DEPTOR: variants seen among roughly 807,000 people sequenced by gnomAD.
DEPTOR encodes the protein DEP domain containing MTOR interacting protein.
Under a neutral mutation model 41.6 loss-of-function variants are expected in DEPTOR, and 41 were observed. The observed-to-expected ratio is 0.98, with a 90% CI of 0.77 to 1.28. The LOEUF is 1.28. Among genes scored for constraint, DEPTOR ranks in the 50% most tolerant of loss-of-function variants. DEPTOR has a pLI of 0.00. For missense variants in DEPTOR, 514 were observed against 527.9 expected (o/e 0.97, Z 0.26); for synonymous variants, 195 against 192.3 (o/e 1.01, Z -0.12).
intron 1 of DEPTOR, among the ~76,000 whole-genome samples, chr8:119,894,172 G>A (rs1478971350): frequency 6.6e-6 from 1 of 151,992 alleles, no homozygotes; most frequent in South Asian, 2.1e-4. Flanking sequence ...GGGCTCAAGC[G>A]ATCCTTCCAC....
At chr8:119,981,916 G>A (rs1431839779) in intron 4 of DEPTOR, among the ~76,000 whole-genome samples, 1 of 149,858 alleles carries the variant, frequency 6.7e-6, no homozygotes, top group East Asian at 2.0e-4. Context: ...TCAGGAGGCT[G>A]AGGCAGGAGA....
At chr8:120,021,356 T>C (rs1000995516) in intron 8 of DEPTOR, among the ~76,000 whole-genome samples, 1 of 152,152 alleles carries the variant, frequency 6.6e-6, no homozygotes, top group African/African-American at 2.4e-5. Flanking sequence ...TGAGCTGAGA[T>C]TGCGCCACTG....
chr8:119,964,905 C>T (rs544045637), intron 3 of DEPTOR, among the ~76,000 whole-genome samples: 30 of 152,110 alleles, frequency 2.0e-4, no homozygotes, highest in East Asian at 1.4e-3. Flanking sequence ...GAAAACCTGT[C>T]GCTACTAAAA....
rs927176225 is a variant in DEPTOR, at chr8:119,902,254, C to A, written c.123-26146C>A. 8.5e-5 allele frequency among the ~76,000 whole-genome samples: 13 copies of A among 152,134 alleles called. No homozygotes were observed. The South Asian group carries it at 1.4e-3, about 17-fold the overall frequency. On this transcript the variant is annotated intron_variant, in intron 1 of 8. Transcript: ENST00000286234. Reference sequence around the variant, plus strand: ...AAGGAATAAAAAATATGCTAAGTGGCAAAATAAATGGAGCTCAGAGAGAAA... The same window carrying A: ...AAGGAATAAAAAATATGCTAAGTGGAAAAATAAATGGAGCTCAGAGAGAAA...
chr8:120,034,801 C>T (rs146877013), intron 8 of DEPTOR, among the ~76,000 whole-genome samples: 4 of 152,042 alleles, frequency 2.6e-5, no homozygotes, highest in African/African-American at 9.6e-5. Flanking sequence ...TCTTTTAAAA[C>T]CTTTGTTATG....
At chr8:119,993,525 A>C (rs1332666239) in intron 4 of DEPTOR, among the ~76,000 whole-genome samples, 2 of 152,224 alleles carry the variant, frequency 1.3e-5, no homozygotes, top group Non-Finnish European at 2.9e-5. Flanking sequence ...GGAACATTAG[A>C]TATTGAATGT....
chr8:119,876,539 G>A (rs867802772), intron 1 of DEPTOR, among the ~76,000 whole-genome samples: 2 of 151,992 alleles, frequency 1.3e-5, no homozygotes, highest in African/African-American at 2.4e-5. Context: ...TTGGGAGGCT[G>A]AGGTGAGAGG....
chr8:119,969,247 A>G (rs1244891382), intron 4 of DEPTOR, among the ~76,000 whole-genome samples: 1 of 152,194 alleles, frequency 6.6e-6, no homozygotes, highest in Non-Finnish European at 1.5e-5. Context: ...ATAAGTAATT[A>G]TGCTTCAATT....
chr8:120,037,503 A>T (rs547545041), intron 8 of DEPTOR, among the ~76,000 whole-genome samples: 1 of 152,304 alleles, frequency 6.6e-6, no homozygotes, highest in South Asian at 2.1e-4. Flanking sequence ...ACTGTGACAA[A>T]TGGTGTGTGG....
intron 6 of DEPTOR, among the ~76,000 whole-genome samples, chr8:120,005,849 C>T (rs990949080): frequency 5.9e-5 from 9 of 152,128 alleles, no homozygotes; most frequent in African/African-American, 1.4e-4. Context: ...CTGATGTGAA[C>T]GGGTGTCTCA....
intron 4 of DEPTOR, among the ~76,000 whole-genome samples, chr8:119,978,085 T>A (rs368302431): frequency 3.3e-5 from 5 of 152,202 alleles, no homozygotes; most frequent in African/African-American, 1.2e-4. Flanking sequence ...TTCTGAAGCC[T>A]GTGTTCCTAC....
chr8:120,002,458 T>C (rs1812363924), intron 5 of DEPTOR, among the ~76,000 whole-genome samples: 1 of 152,050 alleles, frequency 6.6e-6, no homozygotes, highest in African/African-American at 2.4e-5. Flanking sequence ...TTTTTATATA[T>C]CATTTAATTA....
At chr8:119,903,060 A>G (rs1328450621) in intron 1 of DEPTOR, among the ~76,000 whole-genome samples, 1 of 152,188 alleles carries the variant, frequency 6.6e-6, no homozygotes, top group Non-Finnish European at 1.5e-5. Flanking sequence ...TGCCCAATGG[A>G]CAGCAGTGAA....
intron 1 of DEPTOR, among the ~76,000 whole-genome samples, chr8:119,923,893 C>CTTCTTT (rs1554673844): frequency 1.9e-5 from 2 of 104,980 alleles, no homozygotes; most frequent in African/African-American, 6.1e-5. Flanking sequence ...TTTTTTCTTT[C>CTTCTTT]TTTTTTTTTT....
At chr8:119,986,334 T>G (rs1466273433) in intron 4 of DEPTOR, among the ~76,000 whole-genome samples, 1 of 152,208 alleles carries the variant, frequency 6.6e-6, no homozygotes, top group Admixed American at 6.5e-5. Flanking sequence ...ATTCTTTTCT[T>G]TAAGAATGTT....
intron 3 of DEPTOR, among the ~76,000 whole-genome samples, chr8:119,935,349 C>T (rs922849960): frequency 1.3e-5 from 2 of 152,260 alleles, no homozygotes; most frequent in East Asian, 1.9e-4. Context: ...AATCTCTATC[C>T]GCGGCCTTAA....
intron 1 of DEPTOR, chr8:119,874,264 G>A: frequency 2.5e-6 from 1 of 403,698 alleles, no homozygotes; most frequent in Non-Finnish European, 4.4e-6. Flanking sequence ...GCCACCCACC[G>A]CGCTGTCCGT....
intron 1 of DEPTOR, among the ~76,000 whole-genome samples, chr8:119,927,491 C>T (rs1338191402): frequency 6.6e-6 from 1 of 151,252 alleles, no homozygotes; most frequent in Non-Finnish European, 1.5e-5. Context: ...CCACTTTGCT[C>T]TGTGTTGTAT....
intron 3 of DEPTOR, among the ~76,000 whole-genome samples, chr8:119,935,664 T>G (rs930032935): frequency 2.7e-5 from 4 of 149,882 alleles, no homozygotes; most frequent in African/African-American, 9.8e-5. Flanking sequence ...GAGGTTGCAG[T>G]GAGCCAAGAT....
Sources: gnomAD v4.1 joint callset for allele counts (sites outside exome capture counted in the v4.1 genomes callset) on GRCh38, gnomAD v4.1.1 for gene constraint, MANE v1.5 for transcripts, NCBI Gene and HGNC (gene_info 2026-07-23, HGNC 2026-07-21) for gene names.